EZH2: variants seen among roughly 807,000 people sequenced by gnomAD.
The protein encoded by EZH2 is histone-lysine N-methyltransferase EZH2.
A neutral mutation model predicts 98.4 loss-of-function variants in EZH2; 18 were observed. The observed-to-expected ratio is 0.18, with a 90% CI of 0.13 to 0.27. EZH2 has a LOEUF of 0.27. EZH2 is among the 10% of genes least tolerant of loss of function. The probability of loss-of-function intolerance (pLI) is 1.00; values close to 1 mark genes in which losing one functional copy is unlikely to be tolerated. For synonymous variants in EZH2, 338 were observed against 312.3 expected (o/e 1.08, Z -0.87); for missense variants, 470 against 935.1 (o/e 0.50, Z 6.49).
chr7:148,866,556 A>ATATATATACGTATATACATATATATG (rs1563063346), intron 1 of EZH2, among the ~76,000 whole-genome samples: 1 of 125,648 alleles, frequency 8.0e-6, no homozygotes, highest in African/African-American at 2.9e-5. Context: ...ATATATATAC[A>ATATATATACGTATATACATATATATG]TATATACATA....
At chr7:148,844,774 T>C (rs750753716) in intron 3 of EZH2, among the ~76,000 whole-genome samples, 13 of 152,206 alleles carry the variant, frequency 8.5e-5, no homozygotes, top group Non-Finnish European at 1.8e-4. Flanking sequence ...AATATCCACT[T>C]GAACAAACAA....
rs895322831 is a variant in EZH2 at position 148,827,416 on chromosome 7, A to C, written c.626-150T>G. 3.0e-5 allele frequency: 18 copies of C among 600,396 alleles called. No individual in the cohort carries two copies. In the East Asian group the frequency reaches 5.1e-4, roughly 17 times the overall value. The allele number at this position is 600,396 out of a possible 1,614,324, so 37.2% of individuals were successfully genotyped here. On this transcript the variant is annotated intron_variant, in intron 6 of 19. Coordinates refer to ENST00000320356, the MANE Select transcript of EZH2 (RefSeq NM_004456.5). ...GTTTTACTTACTTCTCACATACTTT[A>C]CATGTCTGTGGAATGCCAGTCAGTC...
chr7:148,813,297 G>C (rs896245303), intron 15 of EZH2, among the ~76,000 whole-genome samples: 1 of 145,468 alleles, frequency 6.9e-6, no homozygotes, highest in Non-Finnish European at 1.5e-5. Flanking sequence ...ATTATAAAAA[G>C]AACTGACTGA....
intron 1 of EZH2, among the ~76,000 whole-genome samples, chr7:148,870,841 A>C (rs1288331630): frequency 6.6e-6 from 1 of 152,120 alleles, no homozygotes; most frequent in African/African-American, 2.4e-5. Context: ...AGGCAGGAGA[A>C]TCACTTGAAC....
rs1292758424 is a variant in EZH2 at position 148,825,843 on chromosome 7, G to A, written c.907+611C>T. ...AATATGTGCCTCAAAAGTAGTTGACGCTTTTAAACTGTGCTTAGAAGTTTC... is the reference window on the plus strand; with the variant it reads ...AATATGTGCCTCAAAAGTAGTTGACACTTTTAAACTGTGCTTAGAAGTTTC... On this transcript the variant is annotated intron_variant, in intron 8 of 19. Transcript: ENST00000320356. Among the ~76,000 whole-genome samples the A allele has an allele frequency of 8.5e-5, 13 of 152,210 alleles. No homozygotes were observed. The East Asian group carries it at 2.5e-3, about 29-fold the overall frequency.
intron 1 of EZH2, among the ~76,000 whole-genome samples, chr7:148,866,038 G>A (rs1818391105): frequency 6.6e-6 from 1 of 152,170 alleles, no homozygotes; most frequent in African/African-American, 2.4e-5. Flanking sequence ...CGGCCCCACA[G>A]TTCATGATCT....
chr7:148,826,817 C>T (rs531422440), intron 7 of EZH2, among the ~76,000 whole-genome samples, 185 bp from the exon 8 acceptor site: 11 of 152,168 alleles, frequency 7.2e-5, no homozygotes, highest in Admixed American at 2.6e-4. Context: ...TCAAATTCAT[C>T]GATATGATTC....
At chr7:148,846,157 T>C (rs766023535) in intron 3 of EZH2, among the ~76,000 whole-genome samples, 11 of 152,244 alleles carry the variant, frequency 7.2e-5, no homozygotes, top group Non-Finnish European at 1.5e-4. Flanking sequence ...TCAGAAAACC[T>C]TGCTCTAAAT....
At chr7:148,874,889 T>G (rs1211304999) in intron 1 of EZH2, among the ~76,000 whole-genome samples, 1 of 140,396 alleles carries the variant, frequency 7.1e-6, no homozygotes, top group Non-Finnish European at 1.5e-5. Context: ...AGAGCAAGAC[T>G]CCGTCTCAAA....
chr7:148,822,850 G>C (rs1399828235), intron 8 of EZH2, among the ~76,000 whole-genome samples: 3 of 151,398 alleles, frequency 2.0e-5, no homozygotes, highest in Non-Finnish European at 4.4e-5. Context: ...GCTGAGGCAG[G>C]AGAATCACTT....
chr7:148,844,063 A>AT (rs1813293273), intron 3 of EZH2, among the ~76,000 whole-genome samples: 1 of 151,756 alleles, frequency 6.6e-6, no homozygotes, highest in African/African-American at 2.4e-5. Context: ...GTTGAATGCT[A>AT]TAGACTTTAC....
intron 1 of EZH2, among the ~76,000 whole-genome samples, chr7:148,873,412 A>C (rs1819697427): frequency 6.8e-6 from 1 of 147,044 alleles, no homozygotes; most frequent in Admixed American, 7.1e-5. Flanking sequence ...GAATCACTGG[A>C]ACCTGGGAGG....
intron 8 of EZH2, 46 bp downstream of exon 8, chr7:148,826,408 G>T: frequency 1.4e-6 from 2 of 1,455,320 alleles, no homozygotes; most frequent in African/African-American, 1.4e-5. Flanking sequence ...TCTCCAAGCT[G>T]CTTTAAAACA....
chr7:148,808,221 A>G (rs1802037144), intron 19 of EZH2, among the ~76,000 whole-genome samples: 1 of 152,224 alleles, frequency 6.6e-6, no homozygotes, highest in African/African-American at 2.4e-5. Flanking sequence ...GGGTCATCCC[A>G]AGGAAGCTCC....
chr7:148,811,708 C>T lies in EZH2; in HGVS notation c.1864G>A (p.Ala622Thr), dbSNP rs2129469076. ...CCCCAGCCTGCCACGTCAGATGGTG[C>T]CAGCAATAGATGCTAGAGAATAAAA... ...QRGSKKHLLL[A>T]PSDVAGWGIF... The change falls in exon 16 of 20, where the codon GCA becomes ACA. Residue 622 changes from alanine to threonine, a missense_variant. By Grantham distance (58) the Ala-to-Thr change is moderately conservative. Around this residue, in one of 6 missense-constraint regions of EZH2, gnomAD observed 106 missense variants for 327.2 expected, o/e 0.32. Coordinates refer to ENST00000320356, the MANE Select transcript of EZH2 (RefSeq NM_004456.5). 1 of 1,612,196 alleles carries T rather than the reference C, an allele frequency of 6.2e-7. No homozygotes were observed.
chr7:148,869,801 C>T (rs917437578), intron 1 of EZH2, among the ~76,000 whole-genome samples: 4 of 140,910 alleles, frequency 2.8e-5, no homozygotes, highest in Non-Finnish European at 5.9e-5. Context: ...ATTCATGTCA[C>T]CATGAAGAGG....
intron 3 of EZH2, among the ~76,000 whole-genome samples, chr7:148,838,375 T>A (rs78024012): frequency 3.2e-3 from 481 of 152,236 alleles, no homozygotes; most frequent in African/African-American, 0.011. Flanking sequence ...GCAAACCTAC[T>A]TAATCCTAGG....
rs994463263 is a variant in EZH2 at position 148,817,297 on chromosome 7, A to G, written c.1335T>C (p.Phe445=). 6.2e-7 allele frequency: 1 copy of G among 1,614,060 alleles called. No homozygotes were observed. ...VEWSGAEASM[F]RVLIGTYYDN... is the part of the protein sequence containing the mutation. ...CATAGTAAGTGCCAATGAGGACTCT[A>G]AACATTGAGGCTTCAGCACCACTCC... Residue 445 remains phenylalanine, a synonymous_variant, in exon 11 of 20, where the codon TTT becomes TTC. Coordinates refer to ENST00000320356, the MANE Select transcript of EZH2 (RefSeq NM_004456.5).
In EZH2 at chr7:148,864,757, A is replaced by G. The variant is rs1042756157; in HGVS notation, c.-7-17452T>C. 2.0e-5 allele frequency among the ~76,000 whole-genome samples: 3 copies of G among 152,108 alleles called. No individual in the cohort carries two copies. In the South Asian group the frequency reaches 6.2e-4, roughly 31 times the overall value. The stretch of plus-strand genomic sequence containing the variant: ...TTGAAAACTATACTAAATCGATTTT[A>G]TAAGTTAAATCTTCTCATTTCATCG... On this transcript the variant is annotated intron_variant, in intron 1 of 19. Transcript: ENST00000320356.
Sources: gnomAD v4.1 joint callset for allele counts (sites outside exome capture counted in the v4.1 genomes callset) on GRCh38, gnomAD v4.1.1 for gene constraint, gnomAD v4.1.1 regional missense constraint, MANE v1.5 for transcripts, NCBI Gene and HGNC (gene_info 2026-07-23, HGNC 2026-07-21) for gene names.